The following SLF2 variants were observed in gnomAD, a reference collection of about 807,000 sequenced individuals.
SLF2 encodes the protein SMC5-SMC6 complex localization factor protein 2.
In SLF2, 68 loss-of-function variants were observed where a neutral mutation model predicts 124.3. The observed-to-expected ratio is 0.55, with a 90% CI of 0.45 to 0.67. The LOEUF is 0.67. Among genes scored for constraint, SLF2 ranks in the 30% least tolerant of loss-of-function variants. The pLI is 0.00. For synonymous variants in SLF2, 480 were observed against 478.8 expected (o/e 1.00, Z -0.03); for missense variants, 1,246 against 1,373.7 (o/e 0.91, Z 1.47).
chr10:100,929,432 G>A lies in SLF2; in HGVS notation c.2158G>A (p.Glu720Lys), dbSNP rs1307020771. 1 of 1,600,652 alleles carries A rather than the reference G, an allele frequency of 6.2e-7. No individual in the cohort carries two copies. Residue 720 changes from glutamate (E) to lysine (K), a missense_variant, in exon 7 of 20, where the codon GAG (glutamate) becomes AAG (lysine). By Grantham distance (56) the Glu-to-Lys change is moderately conservative (BLOSUM62 1). Around this residue, in one of 3 missense-constraint regions of SLF2, gnomAD observed 535 missense variants for 632.8 expected, o/e 0.85. Coordinates refer to ENST00000238961, the MANE Select transcript of SLF2 (RefSeq NM_018121.4). Reference protein sequence around the residue: ...STDDEDGLLEEHKEFLKKFSV... With the variant: ...STDDEDGLLEKHKEFLKKFSV... ...AGATGATGAGGATGGCCTCTTAGAAGAGCACAAGTATAGCATTTTTCATAA... is the reference window on the plus strand; with the variant it reads ...AGATGATGAGGATGGCCTCTTAGAAAAGCACAAGTATAGCATTTTTCATAA...
intron 19 of SLF2, 182 bp downstream of exon 19, chr10:100,959,678 A>T: frequency 8.9e-7 from 1 of 1,122,364 alleles, no homozygotes; most frequent in African/African-American, 1.6e-5. Flanking sequence ...CTTTATATTC[A>T]TTAATTTATT....
chr10:100,934,743 G>A (rs1564776778), intron 9 of SLF2, among the ~76,000 whole-genome samples: 1 of 151,316 alleles, frequency 6.6e-6, no homozygotes, highest in South Asian at 2.1e-4. Context: ...CTCTTAAGTA[G>A]CTGGGATTAC....
chr10:100,959,780 T>G (rs1364389157), intron 19 of SLF2, among the ~76,000 whole-genome samples: 1 of 152,278 alleles, frequency 6.6e-6, no homozygotes, highest in Non-Finnish European at 1.5e-5. Context: ...TCTATTGAGA[T>G]AGAATTCACA....
At chr10:100,957,330 ATTTTTTTTTT>A (rs71013477) in intron 18 of SLF2, among the ~76,000 whole-genome samples, 79 of 91,830 alleles carry the variant, frequency 8.6e-4, no homozygotes, top group African/African-American at 4.7e-3. Flanking sequence ...GGAGTCTTCA[ATTTTTTTTTT>A]TTTTTTTTTT....
rs1589965023 is a variant in SLF2 at position 100,950,890 on chromosome 10, T to G, written c.3330+137T>G. 30 of 668,952 alleles carry G rather than the reference T, an allele frequency of 4.5e-5. No homozygotes were observed. The East Asian group carries it at 8.0e-4, about 18-fold the overall frequency. 41.4% of individuals were successfully genotyped at this position (668,952 alleles called of 1,614,324 possible). A position where few individuals can be genotyped will look rare whatever the true frequency, so the allele number is the denominator to read the frequency against. On this transcript the variant is annotated intron_variant, in intron 17 of 19. Transcript: ENST00000238961. Reference sequence around the variant, plus strand: ...AAGCTAATTGATTTTGCTATAAGAATTCCCATGTATACCAGAAAGAGGGGC... The same window carrying G: ...AAGCTAATTGATTTTGCTATAAGAAGTCCCATGTATACCAGAAAGAGGGGC...
At position 100,916,982 on chromosome 10, in the gene SLF2, G is replaced by A; in HGVS notation, c.597G>A (p.Lys199=). The change falls in exon 3 of 20, where the codon AAG becomes AAA. Residue 199 remains lysine, a synonymous_variant. Coordinates refer to ENST00000238961, the MANE Select transcript of SLF2 (RefSeq NM_018121.4). ...GCAAAACCAATGCAGACTCCAAAAA[G>A]CAGACCACAGTGGCAGAAGCTGACA... ...DRGKTNADSK[K]QTTVAEADIF... is the part of the protein sequence containing the mutation. 3.1e-6 allele frequency: 5 copies of A among 1,614,174 alleles called. No homozygotes were observed. Among genetic ancestry groups the A allele is most frequent in the Non-Finnish European group, 2.5e-6 (3 of 1,180,032 alleles).
chr10:100,950,598 A>G (rs1037231241), intron 16 of SLF2, 78 bp from the exon 17 acceptor site: 8 of 1,278,922 alleles, frequency 6.3e-6, no homozygotes, highest in Non-Finnish European at 7.9e-6. Context: ...TTCCTGGGCA[A>G]TTTTCCTAAT....
rs1367617464 is a variant in SLF2, at chr10:100,938,635, A to G, written c.2553A>G (p.Ser851=). Residue 851 remains serine (S), a synonymous_variant, in exon 11 of 20, where the codon TCA becomes TCG. Transcript: ENST00000238961. The stretch of plus-strand genomic sequence containing the variant: ...CACCAGTTTGGCCATGGATCCCATC[A>G]TTGTCTGATGTAGCAGCTGTGTTTT... ...SDSPVWPWIP[S]LSDVAAVFFN... 6.2e-7 allele frequency: 1 copy of G among 1,612,588 alleles called. No individual in the cohort carries two copies. Among genetic ancestry groups the G allele is most frequent in the Non-Finnish European group, 8.5e-7 (1 of 1,179,554 alleles).
At chr10:100,928,068 C>CACGA (rs1491324670) in intron 6 of SLF2, among the ~76,000 whole-genome samples, 3 of 59,578 alleles carry the variant, frequency 5.0e-5, no homozygotes, top group Middle Eastern at 0.012. Flanking sequence ...CACACACACA[C>CACGA]GAGAGAGAGA....
At chr10:100,935,045 AT>A (rs1182054914) in intron 9 of SLF2, among the ~76,000 whole-genome samples, 1 of 152,202 alleles carries the variant, frequency 6.6e-6, no homozygotes, top group Non-Finnish European at 1.5e-5. Flanking sequence ...TTGTTAAATG[AT>A]TTAAAAAAAT....
intron 17 of SLF2, among the ~76,000 whole-genome samples, chr10:100,951,838 T>G (rs923916822): frequency 4.6e-5 from 7 of 152,268 alleles, no homozygotes; most frequent in African/African-American, 1.7e-4. Flanking sequence ...TGGAAATGCA[T>G]TTCTAATATT....
chr10:100,937,911 CA>C (rs1181068202), intron 10 of SLF2, among the ~76,000 whole-genome samples: 1 of 152,106 alleles, frequency 6.6e-6, no homozygotes, highest in African/African-American at 2.4e-5. Flanking sequence ...CACCCGACCT[CA>C]AAAGTCTTTA....
intron 10 of SLF2, among the ~76,000 whole-genome samples, chr10:100,937,812 G>A (rs1426497423): frequency 6.6e-6 from 1 of 151,986 alleles, no homozygotes; most frequent in African/African-American, 2.4e-5. Context: ...GTTTCACCTT[G>A]CTGCCCAGGC....
chr10:100,918,413 C>T lies in SLF2; in HGVS notation c.945C>T (p.Ser315=). The change falls in exon 4 of 20, where the codon TCC becomes TCT. Residue 315 remains serine, a synonymous_variant. Transcript: ENST00000238961. The part of the protein sequence containing the change: ...VENGHLSRKR[S]SSDSWEPTSA... The stretch of plus-strand genomic sequence containing the variant: ...ATGGACATCTCTCAAGAAAAAGATC[C>T]TCTTCTGATTCATGGGAACCTACTT... The T allele has an allele frequency of 6.3e-7, 1 of 1,595,066 alleles. No homozygotes were observed. The highest frequency in any genetic ancestry group is 8.5e-7 in the Non-Finnish European group (1 of 1,171,622).
chr10:100,933,700 G>A (rs1201150438), intron 9 of SLF2, among the ~76,000 whole-genome samples: 1 of 152,050 alleles, frequency 6.6e-6, no homozygotes, highest in Non-Finnish European at 1.5e-5. Flanking sequence ...TTATTTTTGA[G>A]AGAGAGTCTC....
intron 15 of SLF2, among the ~76,000 whole-genome samples, chr10:100,948,828 G>C (rs1296964641): frequency 1.3e-5 from 2 of 152,208 alleles, no homozygotes; most frequent in South Asian, 2.1e-4. Context: ...GGAGCTTGCA[G>C]TGAGCCGAGA....
intron 13 of SLF2, 122 bp from the exon 14 acceptor site, chr10:100,946,917 A>G: frequency 1.3e-6 from 1 of 741,990 alleles, no homozygotes; most frequent in Non-Finnish European, 2.3e-6. Flanking sequence ...TGCTATTTCT[A>G]AAAATGTGCT....
chr10:100,931,861 G>A (rs1023489003), intron 9 of SLF2, among the ~76,000 whole-genome samples: 2 of 151,960 alleles, frequency 1.3e-5, no homozygotes, highest in South Asian at 2.1e-4. Context: ...GTGTGGTGGT[G>A]GGCACTTGTA....
At chr10:100,936,858 A>C (rs1849873314) in intron 9 of SLF2, among the ~76,000 whole-genome samples, 1 of 110,272 alleles carries the variant, frequency 9.1e-6, no homozygotes, top group South Asian at 2.8e-4. Context: ...ATTATAAATG[A>C]AAGTTGTAAA....
Sources: allele counts gnomAD v4.1 joint callset (sites outside exome capture counted in the v4.1 genomes callset), GRCh38; gene constraint gnomAD v4.1.1; regional missense constraint gnomAD v4.1.1; transcripts MANE v1.5; gene names NCBI Gene and HGNC (gene_info 2026-07-23, HGNC 2026-07-21).